Variants in TRAK1 observed in about 807,000 individuals in gnomAD.
TRAK1 encodes the protein trafficking kinesin-binding protein 1.
TRAK1 carries 33 observed loss-of-function variants against 92.1 expected under a neutral mutation model. The observed-to-expected ratio is 0.36, with a 90% CI of 0.27 to 0.48. The LOEUF is 0.48. Ranked by LOEUF, TRAK1 falls within the 20% of genes least tolerant of loss-of-function variation. The pLI is 0.99. For missense variants in TRAK1, 1,123 were observed against 1,257.9 expected, an observed-to-expected ratio of 0.89 and a Z score of 1.62; for synonymous variants, 521 against 517.3, an observed-to-expected ratio of 1.01 and a Z score of -0.10.
intron 1 of TRAK1, among the ~76,000 whole-genome samples, chr3:42,035,289 A>G (rs985164985): frequency 2.0e-5 from 3 of 152,018 alleles, no homozygotes; most frequent in African/African-American, 7.3e-5. Context: ...TGCCTTGTAG[A>G]TGGCAATTAA....
At chr3:42,220,223 A>G (rs1264242664) in intron 15 of TRAK1, among the ~76,000 whole-genome samples, 2 of 152,160 alleles carry the variant, frequency 1.3e-5, no homozygotes, top group Non-Finnish European at 2.9e-5. Flanking sequence ...CAAAATGAGA[A>G]GACTCCAAAA....
chr3:42,087,491 T>TGG (rs1434345856), upstream of TRAK1: 1 of 152,652 alleles, frequency 6.6e-6, no homozygotes, highest in African/African-American at 2.4e-5. Context: ...GGGAGGGTCT[T>TGG]GGGGAGGTAT....
chr3:42,062,122 A>G (rs189214060), intron 1 of TRAK1, among the ~76,000 whole-genome samples: 1 of 152,314 alleles, frequency 6.6e-6, no homozygotes, highest in East Asian at 1.9e-4. Context: ...AGCAGACAAG[A>G]TTTTGACAAT....
At chr3:42,041,786 T>C (rs896175419) in intron 1 of TRAK1, among the ~76,000 whole-genome samples, 17 of 95,136 alleles carry the variant, frequency 1.8e-4, no homozygotes, top group African/African-American at 7.1e-4. Flanking sequence ...ATTTCTATTG[T>C]TTTTTTTTTT....
intron 2 of TRAK1, among the ~76,000 whole-genome samples, chr3:42,169,524 C>T (rs1702283019): frequency 6.6e-6 from 1 of 152,092 alleles, no homozygotes; most frequent in Non-Finnish European, 1.5e-5. Flanking sequence ...CTCAGAGCCT[C>T]AGTTTCCCTG....
chr3:42,083,355 T>TC (rs1576270759), upstream of TRAK1, among the ~76,000 whole-genome samples: 1 of 152,296 alleles, frequency 6.6e-6, no homozygotes, highest in East Asian at 1.9e-4. Context: ...TTTTAAGTGT[T>TC]CCCGGTTTAA....
chr3:42,222,786 A>G (rs1311259058), intron 15 of TRAK1, among the ~76,000 whole-genome samples, 156 bp from the exon 16 acceptor site: 1 of 152,074 alleles, frequency 6.6e-6, no homozygotes, highest in Admixed American at 6.5e-5. Context: ...GAGAGGGAGG[A>G]GCAGACGTGG....
Position 42,199,250 on chromosome 3 carries a change from T to G in TRAK1, c.1187T>G (p.Ile396Ser), listed in dbSNP as rs1181827374. The change falls in exon 11 of 16, where the codon ATC becomes AGC. Residue 396 changes from isoleucine (I) to serine (S), a missense_variant. This residue lies in a region of TRAK1 where 686 missense variants were observed against 747.6 expected (regional missense o/e 0.92). Coordinates refer to ENST00000327628, the MANE Select transcript of TRAK1 (RefSeq NM_001042646.3). ...TTGGAAGAGGCCGAGTCTCCAGACA[T>G]CACGTACGGCCACAGTTTTTACAGT... ...LQLEEAESPD[I>S]THQKRVFETV... The G allele has an allele frequency of 2.5e-6, 4 of 1,613,934 alleles. No individual in the cohort carries two copies. The East Asian group carries it at 8.9e-5, about 36-fold the overall frequency.
chr3:42,030,353 C>A (rs750159885), intron 1 of TRAK1, among the ~76,000 whole-genome samples: 23 of 124,062 alleles, frequency 1.9e-4, no homozygotes, highest in Non-Finnish European at 3.0e-4. Context: ...CAAAGCGAGA[C>A]CCTGTCTCTA....
In TRAK1 at chr3:42,091,582, G is replaced by T. The variant is rs1180771609; in HGVS notation, c.91+22G>T. 8 of 1,603,264 alleles carry T rather than the reference G, an allele frequency of 5.0e-6. 1 individual carries two copies. The South Asian group carries it at 8.9e-5, about 18-fold the overall frequency. ...TGTGGTAAGTTTGTTTGCCAGGTCTGTCTGCTGTCTGTTTTCTTTGTGGTG... is the reference window on the plus strand; with the variant it reads ...TGTGGTAAGTTTGTTTGCCAGGTCTTTCTGCTGTCTGTTTTCTTTGTGGTG... On this transcript the variant is annotated intron_variant, in intron 1 of 15. Transcript: ENST00000327628.
intron 2 of TRAK1, among the ~76,000 whole-genome samples, chr3:42,174,647 G>GTATA (rs138493698): frequency 0.096 from 14,082 of 146,604 alleles, 804 homozygotes; most frequent in Non-Finnish European, 0.13. Context: ...ATTTTTGTGT[G>GTATA]TATATATATA....
At chr3:42,208,928 C>CTCAAGTTTCCTGAGCATGCTTGGCCTAGG (rs1708647023) in intron 13 of TRAK1, among the ~76,000 whole-genome samples, 2 of 152,212 alleles carry the variant, frequency 1.3e-5, no homozygotes, top group Non-Finnish European at 2.9e-5. Flanking sequence ...AAACACTTAA[C>CTCAAGTTTCCTGAGCATGCTTGGCCTAGG]TCAAGTTTCC....
In TRAK1 at chr3:42,209,980, C is replaced by A; in HGVS notation, c.1958C>A (p.Thr653Asn). The part of the protein sequence containing the change: ...ATSTPVQHPE[T>N]SAHHPGKCMS... Reference sequence around the variant, plus strand: ...TCCACTCCAGTTCAGCACCCAGAGACCTCAGGTGAGAGGTCCCAAGCACGT... The same window carrying A: ...TCCACTCCAGTTCAGCACCCAGAGAACTCAGGTGAGAGGTCCCAAGCACGT... Residue 653 changes from threonine to asparagine, a missense_variant, in exon 14 of 16, where the codon ACC becomes AAC. By Grantham distance (65) the Thr-to-Asn change is moderately conservative. Around this residue, in one of 3 missense-constraint regions of TRAK1, gnomAD observed 401 missense variants for 438.9 expected, o/e 0.91. Coordinates refer to ENST00000327628, the MANE Select transcript of TRAK1 (RefSeq NM_001042646.3). 6.2e-7 allele frequency: 1 copy of A among 1,614,226 alleles called. No homozygotes were observed. Among genetic ancestry groups the A allele is most frequent in the Non-Finnish European group, 8.5e-7 (1 of 1,180,044 alleles).
intron 10 of TRAK1, among the ~76,000 whole-genome samples, chr3:42,197,189 C>T (rs73831713): frequency 0.055 from 8,418 of 152,164 alleles, 233 homozygotes; most frequent in Middle Eastern, 0.075. Context: ...CTGCATGTGA[C>T]TTTTTCTCAG....
At chr3:42,035,421 G>A (rs1421260931) in intron 1 of TRAK1, among the ~76,000 whole-genome samples, 2 of 151,992 alleles carry the variant, frequency 1.3e-5, no homozygotes, top group Admixed American at 6.6e-5. Context: ...TGCTCATTCC[G>A]CACCTCCATC....
At chr3:42,181,660 A>G (rs1338768377) in intron 3 of TRAK1, among the ~76,000 whole-genome samples, 2 of 152,232 alleles carry the variant, frequency 1.3e-5, no homozygotes, top group African/African-American at 4.8e-5. Context: ...GCTGAGGAGC[A>G]CTGATGAAGC....
rs1577087507 is a variant in TRAK1 at position 42,224,844 on chromosome 3, T to A, written c.*1107T>A. On this transcript the variant is annotated 3_prime_UTR_variant, in exon 16 of 16. Transcript: ENST00000327628. ...TTCTGAAACCCGAGGCTGGCCAGGGTGCTGTCACCATGCGGTCTTTGATTG... is the reference window on the plus strand; with the variant it reads ...TTCTGAAACCCGAGGCTGGCCAGGGAGCTGTCACCATGCGGTCTTTGATTG... 1 of 152,290 alleles carries A rather than the reference T, an allele frequency of 6.6e-6. No individual in the cohort carries two copies. The highest frequency in any genetic ancestry group is 2.4e-5 in the African/African-American group (1 of 41,562). The allele number at this position is 152,290 out of a possible 1,614,324, so 9.4% of individuals were successfully genotyped here.
intron 2 of TRAK1, among the ~76,000 whole-genome samples, chr3:42,157,645 C>G (rs746501460): frequency 4.6e-5 from 7 of 151,956 alleles, no homozygotes; most frequent in Non-Finnish European, 1.0e-4. Flanking sequence ...AGTGAGGGAC[C>G]TTCTACAAAA....
chr3:42,220,694 T>G, intron 15 of TRAK1: 1 of 775,058 alleles, frequency 1.3e-6, no homozygotes, highest in Non-Finnish European at 1.6e-6. Context: ...CTTGGATGTG[T>G]CTCTGTGGTT....
Sources: allele counts gnomAD v4.1 joint callset (sites outside exome capture counted in the v4.1 genomes callset), GRCh38; gene constraint gnomAD v4.1.1; regional missense constraint gnomAD v4.1.1; transcripts MANE v1.5; gene names NCBI Gene and HGNC (gene_info 2026-07-23, HGNC 2026-07-21).